The following SMARCB1 variants were observed in gnomAD, a reference collection of about 807,000 sequenced individuals.
SMARCB1 encodes the protein SWI/SNF-related matrix-associated actin-dependent regulator of chromatin subfamily B member 1.
In SMARCB1, 5 loss-of-function variants were observed where a neutral mutation model predicts 49.0. The observed-to-expected ratio is 0.10, with a 90% confidence interval of 0.05 to 0.21. SMARCB1 has a LOEUF of 0.21. SMARCB1 is among the 10% of genes least tolerant of loss of function. SMARCB1 has a pLI of 1.00. For missense variants in SMARCB1, 226 were observed against 509.2 expected, an observed-to-expected ratio of 0.44 and a Z score of 5.35; for synonymous variants, 201 against 200.1, an observed-to-expected ratio of 1.00 and a Z score of -0.04.
rs2031222060 is a variant in SMARCB1 at position 23,837,846 on chromosome 22, T to TC, written c.*3669dup. On this transcript the variant is annotated 3_prime_UTR_variant, in exon 9 of 9. Transcript: ENST00000644036. The stretch of plus-strand genomic sequence containing the variant: ...CCAGGAAGAACAGGCTGCCCAGGAG[T>TC]CCCAGCAGCTGGGCCAGAGTCAAGG... The TC allele has an allele frequency of 6.2e-7, 1 of 1,610,718 alleles. No homozygotes were observed. The highest frequency in any genetic ancestry group is 1.1e-5 in the South Asian group (1 of 90,982).
intron 5 of SMARCB1, among the ~76,000 whole-genome samples, chr22:23,813,169 G>A (rs1929983125): frequency 6.6e-6 from 1 of 152,162 alleles, no homozygotes; most frequent in African/African-American, 2.4e-5. Flanking sequence ...CTGGCCTTCT[G>A]TTGCTAGCAT....
intron 5 of SMARCB1, 78 bp downstream of exon 5, chr22:23,803,500 C>T: frequency 6.5e-7 from 1 of 1,549,642 alleles, no homozygotes; most frequent in Non-Finnish European, 8.9e-7. Flanking sequence ...TTCCTGCCAG[C>T]TGCCTGTCAG....
At chr22:23,818,169 TGTGTGTC>T (rs2029889701) in intron 6 of SMARCB1, 1 of 130,020 alleles carries the variant, frequency 7.7e-6, no homozygotes, top group African/African-American at 3.0e-5. Context: ...TGTGTGTGTG[TGTGTGTC>T]GCAGTCTCAC....
Position 23,787,158 on chromosome 22 carries a change from T to C in SMARCB1, c.-12T>C, listed in dbSNP as rs780247402. On this transcript the variant is annotated 5_prime_UTR_variant, in exon 1 of 9. Coordinates refer to ENST00000644036, the MANE Select transcript of SMARCB1 (RefSeq NM_003073.5). Reference sequence around the variant, plus strand: ...CGCAGCCCGGCTCCGGCCGCCCGCCTCTGCCGCCGCAATGATGATGATGGC... The same window carrying C: ...CGCAGCCCGGCTCCGGCCGCCCGCCCCTGCCGCCGCAATGATGATGATGGC... 1.4e-5 allele frequency: 22 copies of C among 1,594,316 alleles called. No homozygotes were observed. The highest frequency in any genetic ancestry group is 1.9e-5 in the Non-Finnish European group (22 of 1,165,210).
intron 6 of SMARCB1, chr22:23,823,438 G>A (rs976424202): frequency 6.6e-6 from 1 of 152,312 alleles, no homozygotes; most frequent in Admixed American, 6.5e-5. Context: ...CGTATGTGGA[G>A]ATAGCAAAGG....
In SMARCB1 at chr22:23,836,288, G is replaced by A. The variant is rs2031040077; in HGVS notation, c.*2108G>A. 1 of 985,352 alleles carries A rather than the reference G, an allele frequency of 1.0e-6. No individual in the cohort carries two copies. The highest frequency in any genetic ancestry group is 6.2e-5 in the Admixed American group (1 of 16,258). 61.0% of individuals were successfully genotyped at this position (985,352 alleles called of 1,614,324 possible). ...TTGGCATCACCAGATGAAAAATGAG[G>A]CATACGCCCACCTGTCAGGGTGGCT... is the stretch of plus-strand genomic sequence containing the variant. On this transcript the variant is annotated 3_prime_UTR_variant, in exon 9 of 9. Transcript: ENST00000644036.
rs142067913 is a variant in SMARCB1 at position 23,793,465 on chromosome 22, G to A, written c.233-94G>A. 2.1e-5 allele frequency: 28 copies of A among 1,328,286 alleles called. 1 individual carries two copies. Among genetic ancestry groups the A allele is most frequent in the South Asian group, 1.1e-4 (9 of 85,498 alleles). 82.3% of individuals were successfully genotyped at this position (1,328,286 alleles called of 1,614,324 possible). On this transcript the variant is annotated intron_variant, in intron 2 of 8. Coordinates refer to ENST00000644036, the MANE Select transcript of SMARCB1 (RefSeq NM_003073.5). ...TGACACCTTGCTTTTCCCACCTCCC[G>A]CATGCGAGGACCTTGATGTGCTGCA...
intron 5 of SMARCB1, among the ~76,000 whole-genome samples, chr22:23,809,370 G>A (rs558763820): frequency 6.0e-5 from 9 of 149,896 alleles, no homozygotes; most frequent in African/African-American, 1.2e-4. Flanking sequence ...TCTACCTCCC[G>A]GGTTCAAGTG....
intron 5 of SMARCB1, 138 bp downstream of exon 5, chr22:23,803,560 T>G (rs2145983411): frequency 1.0e-6 from 1 of 972,010 alleles, no homozygotes; most frequent in Non-Finnish European, 1.6e-6. Context: ...TTTTGGAGGG[T>G]GTGGGCTCTG....
At chr22:23,821,951 C>T (rs1288097020) in intron 6 of SMARCB1, among the ~76,000 whole-genome samples, 1 of 152,132 alleles carries the variant, frequency 6.6e-6, no homozygotes, top group Non-Finnish European at 1.5e-5. Context: ...AACTCTTCCA[C>T]CTTGGCCTCC....
chr22:23,834,997 G>T lies in SMARCB1; in HGVS notation c.*817G>T. On this transcript the variant is annotated 3_prime_UTR_variant, in exon 9 of 9. Transcript: ENST00000644036. ...TCGCCAGCCTGGGTGCAGGAGGGCT[G>T]TTCTAGCTCCAGTGGCACCCATAGC... 1 of 1,477,432 alleles carries T rather than the reference G, an allele frequency of 6.8e-7. No individual in the cohort carries two copies. 91.5% of individuals were successfully genotyped at this position (1,477,432 alleles called of 1,614,324 possible).
intron 1 of SMARCB1, among the ~76,000 whole-genome samples, chr22:23,787,780 G>T (rs1052816185): frequency 1.3e-5 from 2 of 152,198 alleles, no homozygotes; most frequent in African/African-American, 4.8e-5. Context: ...TTGTTTACCG[G>T]TGAAGAAACA....
chr22:23,826,671 G>C (rs1158512949), intron 7 of SMARCB1, among the ~76,000 whole-genome samples: 1 of 152,226 alleles, frequency 6.6e-6, no homozygotes, highest in Admixed American at 6.5e-5. Context: ...AGGAAGGTCT[G>C]TTTTGCAAAG....
intron 3 of SMARCB1, among the ~76,000 whole-genome samples, chr22:23,796,979 A>G (rs1469849707): frequency 6.6e-6 from 1 of 151,480 alleles, no homozygotes. Flanking sequence ...CTGGGATTGC[A>G]ATGGAAGGAA....
In SMARCB1 at chr22:23,834,984, G is replaced by A; in HGVS notation, c.*804G>A. 6 of 1,517,590 alleles carry A rather than the reference G, an allele frequency of 4.0e-6. No individual in the cohort carries two copies. The highest frequency in any genetic ancestry group is 5.3e-6 in the Non-Finnish European group (6 of 1,135,452). The allele number at this position is 1,517,590 out of a possible 1,614,324, so 94.0% of individuals were successfully genotyped here. A position where few individuals can be genotyped will look rare whatever the true frequency, so the allele number is the denominator to read the frequency against. Reference sequence around the variant, plus strand: ...CACTGCTGGGCTGTCGCCAGCCTGGGTGCAGGAGGGCTGTTCTAGCTCCAG... The same window carrying A: ...CACTGCTGGGCTGTCGCCAGCCTGGATGCAGGAGGGCTGTTCTAGCTCCAG... On this transcript the variant is annotated 3_prime_UTR_variant, in exon 9 of 9. Coordinates refer to ENST00000644036, the MANE Select transcript of SMARCB1 (RefSeq NM_003073.5).
intron 7 of SMARCB1, among the ~76,000 whole-genome samples, chr22:23,829,477 G>C (rs1281282166): frequency 1.3e-5 from 2 of 152,202 alleles, no homozygotes; most frequent in Non-Finnish European, 1.5e-5. Context: ...AAGAGACTAA[G>C]GGTCAGGGAG....
rs1456688803 is a variant in SMARCB1 at position 23,837,507 on chromosome 22, A to G, written c.*3327A>G. ...GGGCCGGCTGGCTTGAGGGGCTGTA[A>G]GAGCACAGCAGCTGGGAGGGCAGGA... is the stretch of plus-strand genomic sequence containing the variant. On this transcript the variant is annotated 3_prime_UTR_variant, in exon 9 of 9. Transcript: ENST00000644036. The G allele has an allele frequency of 9.7e-6, 8 of 826,114 alleles. No homozygotes were observed. The East Asian group carries it at 1.9e-4, about 19-fold the overall frequency. The allele number at this position is 826,114 out of a possible 1,614,324, so 51.2% of individuals were successfully genotyped here.
intron 3 of SMARCB1, among the ~76,000 whole-genome samples, chr22:23,795,132 C>T (rs1928657025): frequency 6.6e-6 from 1 of 151,660 alleles, no homozygotes; most frequent in Admixed American, 6.6e-5. Flanking sequence ...TCAAAAATTC[C>T]AAGCATAAGA....
chr22:23,827,564 C>T (rs2267039), intron 7 of SMARCB1, among the ~76,000 whole-genome samples: 104,755 of 152,036 alleles, frequency 0.69, 37,748 homozygotes, highest in Non-Finnish European at 0.8. Context: ...GACCCCCTGC[C>T]CCCTGCTCTC....
Sources: allele counts gnomAD v4.1 joint callset (sites outside exome capture counted in the v4.1 genomes callset), GRCh38; gene constraint gnomAD v4.1.1; transcripts MANE v1.5; gene names NCBI Gene and HGNC (gene_info 2026-07-23, HGNC 2026-07-21).